HRG: variants seen among roughly 807,000 people sequenced by gnomAD.
The protein encoded by HRG is histidine-rich glycoprotein.
A neutral mutation model predicts 29.5 loss-of-function variants in HRG; 26 were observed. The observed-to-expected ratio is 0.88, with a 90% confidence interval of 0.65 to 1.22. The LOEUF is 1.22. Ranked by LOEUF, HRG falls within the 50% of genes most tolerant of loss-of-function variation. The probability of loss-of-function intolerance (pLI) is 0.00; values close to 1 mark genes in which losing one functional copy is unlikely to be tolerated. For synonymous variants in HRG, 243 were observed against 240.4 expected (o/e 1.01, Z -0.10); for missense variants, 671 against 654.5 (o/e 1.03, Z -0.28).
intron 6 of HRG, among the ~76,000 whole-genome samples, chr3:186,675,855 A>G (rs114601045): frequency 0.016 from 2,302 of 141,528 alleles, 61 homozygotes; most frequent in African/African-American, 0.057. Context: ...CACCATGAAC[A>G]TGGCTCTGTC....
chr3:186,673,137 C>T, intron 5 of HRG: 1 of 505,684 alleles, frequency 2.0e-6, no homozygotes, highest in Non-Finnish European at 3.6e-6. Context: ...GAGTTTCGCT[C>T]TTGTTGCCCA....
Position 186,677,963 on chromosome 3 carries a change from T to C in HRG, c.*80T>C. 1 of 1,398,242 alleles carries C rather than the reference T, an allele frequency of 7.2e-7. No individual in the cohort carries two copies. The highest frequency in any genetic ancestry group is 1.0e-6 in the Non-Finnish European group (1 of 999,516). The allele number at this position is 1,398,242 out of a possible 1,614,324, so 86.6% of individuals were successfully genotyped here. The stretch of plus-strand genomic sequence containing the variant: ...TAAAATGACCAGTAATTGTGAAAAT[T>C]ACAGTTCTTTTCAACCTACTTTCAT... On this transcript the variant is annotated 3_prime_UTR_variant, in exon 7 of 7. Coordinates refer to ENST00000232003, the MANE Select transcript of HRG (RefSeq NM_000412.5).
chr3:186,669,847 A>T (rs895197161), intron 2 of HRG, 91 bp from the exon 3 acceptor site: 5 of 776,576 alleles, frequency 6.4e-6, no homozygotes, highest in Non-Finnish European at 1.2e-5. Context: ...CAGTAGGAGG[A>T]TGTTGCATCA....
chr3:186,672,900 A>G, intron 5 of HRG, 33 bp downstream of exon 5: 2 of 1,336,912 alleles, frequency 1.5e-6, no homozygotes, highest in Middle Eastern at 1.8e-4. Flanking sequence ...ATCGTTGACT[A>G]GAGTCACAGA....
intron 6 of HRG, 132 bp from the exon 7 acceptor site, chr3:186,676,914 CT>C: frequency 1.0e-6 from 1 of 998,634 alleles, no homozygotes; most frequent in Non-Finnish European, 1.5e-6. Flanking sequence ...ATTTGAGAAT[CT>C]TTTTTCGTAA....
At chr3:186,673,144 C>T (rs1265556168) in intron 5 of HRG, 5 of 492,194 alleles carry the variant, frequency 1.0e-5, no homozygotes, top group South Asian at 2.0e-5. Context: ...GCTCTTGTTG[C>T]CCAGGTTGGA....
chr3:186,674,740 T>A, intron 5 of HRG: 1 of 352,664 alleles, frequency 2.8e-6, no homozygotes, highest in Non-Finnish European at 5.5e-6. Flanking sequence ...CCATTCCTCA[T>A]TGTCCTAGGC....
intron 2 of HRG, chr3:186,669,688 G>A: frequency 5.8e-6 from 3 of 519,320 alleles, no homozygotes; most frequent in Non-Finnish European, 1.0e-5. Context: ...CCTTGAAAAT[G>A]TTTGGGGTAT....
In HRG at chr3:186,677,497, G is replaced by T; in HGVS notation, c.1192G>T (p.Gly398Ter). 6.3e-7 allele frequency: 1 copy of T among 1,598,504 alleles called. No individual in the cohort carries two copies. The highest frequency in any genetic ancestry group is 8.5e-7 in the Non-Finnish European group (1 of 1,171,552). ...GHHPHGHHPHGHHPHGHHPHC... is the reference protein window; with the variant it reads ...GHHPHGHHPH ...CCATCCTCATGGACACCACCCCCAT[G>T]GACACCATCCCCATGGACACCATCC... Residue 398 changes from glycine to a stop codon, truncating the protein, a stop_gained, in exon 7 of 7, where the codon GGA becomes TGA. Coordinates refer to ENST00000232003, the MANE Select transcript of HRG (RefSeq NM_000412.5). LOFTEE classifies it low-confidence loss of function (END_TRUNC).
intron 6 of HRG, 112 bp downstream of exon 6, chr3:186,675,302 TGTGTGTGAGAGAGA>T: frequency 3.5e-6 from 2 of 574,710 alleles, no homozygotes; most frequent in African/African-American, 2.0e-5. Context: ...TGTGTGTGTG[TGTGTGTGAGAGAGA>T]GAGAGAGAGA....
rs184629077 is a variant in HRG, at chr3:186,672,932, A to T, written c.639+65A>T. ...CAGAGAAAAAAGAAAGAGAAGAAGGAGAAGGAGAAGGAGAAGGAGAGGAAG... is the reference window on the plus strand; with the variant it reads ...CAGAGAAAAAAGAAAGAGAAGAAGGTGAAGGAGAAGGAGAAGGAGAGGAAG... On this transcript the variant is annotated intron_variant, in intron 5 of 6. Transcript: ENST00000232003. 452 of 950,278 alleles carry T rather than the reference A, an allele frequency of 4.8e-4. No homozygotes were observed. The African/African-American group carries it at 6.2e-3, about 13-fold the overall frequency. The allele number at this position is 950,278 out of a possible 1,614,324, so 58.9% of individuals were successfully genotyped here.
chr3:186,675,722 AT>A (rs771715076), intron 6 of HRG, among the ~76,000 whole-genome samples: 1 of 152,096 alleles, frequency 6.6e-6, no homozygotes, highest in Non-Finnish European at 1.5e-5. Flanking sequence ...TCTTTGGTCT[AT>A]TTTTTACATG....
intron 5 of HRG, chr3:186,673,150 T>C (rs9848336): frequency 0.99 from 459,268 of 462,030 alleles, 228,323 homozygotes; most frequent in Middle Eastern, 1. Flanking sequence ...GTTGCCCAGG[T>C]TGGAGTGCAA....
At chr3:186,672,750 T>C (rs1382942644) in intron 4 of HRG, 37 bp from the exon 5 acceptor site, 3 of 1,383,504 alleles carry the variant, frequency 2.2e-6, no homozygotes, top group South Asian at 2.3e-5. Context: ...TTTTTCTTTG[T>C]CTGTTCTTGA....
rs1489174506 is a variant in HRG, at chr3:186,677,634, A to G, written c.1329A>G (p.Pro443=). ...PPPGHLRRRG[P]GKGPRPFHCR... ...CTGGGCACTTAAGAAGGCGAGGCCC[A>G]GGTAAAGGACCCCGTCCCTTCCATT... Residue 443 remains proline, a synonymous_variant, in exon 7 of 7, where the codon CCA becomes CCG. Transcript: ENST00000232003. The G allele has an allele frequency of 3.1e-6, 5 of 1,614,044 alleles. No homozygotes were observed. The African/African-American group carries it at 6.7e-5, about 22-fold the overall frequency.
In HRG at chr3:186,677,367, T is replaced by G; in HGVS notation, c.1062T>G (p.His354Gln). 2 of 1,613,766 alleles carry G rather than the reference T, an allele frequency of 1.2e-6. No individual in the cohort carries two copies. The highest frequency in any genetic ancestry group is 1.7e-6 in the Non-Finnish European group (2 of 1,179,934). ...NNSSDLHPHK[H>Q]HSHEQHPHGH... ...CCAGTGACCTCCATCCCCATAAGCA[T>G]CATTCCCATGAACAGCATCCCCACG... Residue 354 changes from histidine to glutamine, a missense_variant, in exon 7 of 7, where the codon CAT becomes CAG. Transcript: ENST00000232003.
Position 186,677,013 on chromosome 3 carries a change from A to G in HRG, c.742-34A>G, listed in dbSNP as rs374411791. On this transcript the variant is annotated intron_variant, in intron 6 of 6. Transcript: ENST00000232003. Reference sequence around the variant, plus strand: ...TATCTAACATCTTCTTTTATGTTACATGATGATAGGCACTTTTCTGTGACC... The same window carrying G: ...TATCTAACATCTTCTTTTATGTTACGTGATGATAGGCACTTTTCTGTGACC... The G allele has an allele frequency of 7.4e-6, 12 of 1,613,588 alleles. No homozygotes were observed. The African/African-American group carries it at 8.0e-5, about 11-fold the overall frequency.
chr3:186,671,660 C>G lies in HRG; in HGVS notation c.429C>G (p.Val143=). The part of the protein sequence containing the change: ...SALANTKDSP[V]LIDFFEDTER... ...TGGCCAATACCAAAGATAGTCCGGT[C>G]CTCATAGATTTCTTTGAGGATACTG... Residue 143 remains valine, a synonymous_variant, in exon 4 of 7, where the codon GTC becomes GTG. Coordinates refer to ENST00000232003, the MANE Select transcript of HRG (RefSeq NM_000412.5). 1.9e-6 allele frequency: 3 copies of G among 1,614,040 alleles called. No individual in the cohort carries two copies. The highest frequency in any genetic ancestry group is 2.5e-6 in the Non-Finnish European group (3 of 1,179,922).
intron 6 of HRG, among the ~76,000 whole-genome samples, chr3:186,675,436 G>T (rs1718951879): frequency 6.6e-6 from 1 of 152,020 alleles, no homozygotes; most frequent in African/African-American, 2.4e-5. Context: ...CTGGGGAAAG[G>T]AGTGCAATTG....
Sources: gnomAD v4.1 joint callset for allele counts (sites outside exome capture counted in the v4.1 genomes callset) on GRCh38, gnomAD v4.1.1 for gene constraint, MANE v1.5 for transcripts, NCBI Gene and HGNC (gene_info 2026-07-23, HGNC 2026-07-21) for gene names.